CNTNAP2: variants seen among roughly 807,000 people sequenced by gnomAD.
CNTNAP2 encodes contactin-associated protein-like 2.
A neutral mutation model predicts 155.2 loss-of-function variants in CNTNAP2; 98 were observed. That is an observed-to-expected ratio of 0.63 (90% CI 0.54 to 0.75). The LOEUF (loss-of-function observed/expected upper bound fraction) is 0.75. CNTNAP2 is among the 30% of genes least tolerant of loss of function. The pLI, the probability that CNTNAP2 is intolerant of heterozygous loss-of-function variation, is 0.00. For synonymous variants in CNTNAP2, 651 were observed against 631.2 expected (o/e 1.03, Z -0.47); for missense variants, 1,727 against 1,688.1 (o/e 1.02, Z -0.40).
chr7:146,832,626 T>G (rs895180947), intron 2 of CNTNAP2, among the ~76,000 whole-genome samples: 6 of 148,290 alleles, frequency 4.0e-5, no homozygotes, highest in African/African-American at 1.2e-4. Flanking sequence ...TTATATATTA[T>G]AAATTTATAT....
At chr7:146,166,391 C>A (rs2116810724) in intron 1 of CNTNAP2, among the ~76,000 whole-genome samples, 1 of 152,240 alleles carries the variant, frequency 6.6e-6, no homozygotes, top group South Asian at 2.1e-4. Flanking sequence ...CCACACCTGG[C>A]CATATTTCCC....
intron 1 of CNTNAP2, among the ~76,000 whole-genome samples, chr7:146,701,053 A>T (rs1800868750): frequency 9.9e-5 from 1 of 10,110 alleles, no homozygotes; most frequent in Admixed American, 4.1e-4. Flanking sequence ...TCTGAAAAAA[A>T]AAAGTAGATC....
At chr7:147,068,590 C>T (rs539209017) in intron 4 of CNTNAP2, among the ~76,000 whole-genome samples, 51 of 152,282 alleles carry the variant, frequency 3.3e-4, no homozygotes, top group African/African-American at 1.2e-3. Context: ...AGCTCCTGGA[C>T]TCGTGATCCG....
intron 14 of CNTNAP2, among the ~76,000 whole-genome samples, chr7:147,914,045 T>C (rs1488186900): frequency 6.6e-6 from 1 of 151,384 alleles, no homozygotes; most frequent in Non-Finnish European, 1.5e-5. Flanking sequence ...ATACCATTTT[T>C]TGTAGCAGTC....
intron 1 of CNTNAP2, among the ~76,000 whole-genome samples, chr7:146,718,172 A>C (rs1801224042): frequency 6.6e-6 from 1 of 152,204 alleles, no homozygotes; most frequent in South Asian, 2.1e-4. Flanking sequence ...ATAAACAGTC[A>C]GTGCACATGT....
intron 13 of CNTNAP2, among the ~76,000 whole-genome samples, chr7:147,776,490 G>T (rs1797588199): frequency 1.3e-5 from 2 of 152,170 alleles, no homozygotes; most frequent in Non-Finnish European, 2.9e-5. Context: ...CACACACGTG[G>T]ATTAATGCCT....
At chr7:146,590,336 C>T (rs373701025) in intron 1 of CNTNAP2, among the ~76,000 whole-genome samples, 1 of 152,112 alleles carries the variant, frequency 6.6e-6, no homozygotes, top group South Asian at 2.1e-4. Context: ...TCATAACACA[C>T]AATTTCAACA....
chr7:146,470,458 C>A (rs2129126500), intron 1 of CNTNAP2, among the ~76,000 whole-genome samples: 1 of 152,314 alleles, frequency 6.6e-6, no homozygotes, highest in East Asian at 1.9e-4. Context: ...TTTCTCCTTT[C>A]TCTGCCTGGT....
chr7:146,582,930 C>T (rs887050387), intron 1 of CNTNAP2, among the ~76,000 whole-genome samples: 2 of 148,188 alleles, frequency 1.3e-5, no homozygotes, highest in Non-Finnish European at 3.0e-5. Flanking sequence ...TTAAATATAG[C>T]CGTATTAATA....
At chr7:147,557,778 G>A (rs749646162) in intron 11 of CNTNAP2, among the ~76,000 whole-genome samples, 5 of 152,082 alleles carry the variant, frequency 3.3e-5, no homozygotes, top group Non-Finnish European at 5.9e-5. Flanking sequence ...CAACAACTTG[G>A]TGAAGAAGGT....
intron 3 of CNTNAP2, among the ~76,000 whole-genome samples, chr7:147,034,304 T>A (rs573670767): frequency 6.6e-6 from 1 of 152,326 alleles, no homozygotes; most frequent in African/African-American, 2.4e-5. Context: ...TTTTCTGCAT[T>A]TGAAACAGGA....
chr7:147,360,815 A>C (rs1332731905), intron 9 of CNTNAP2, among the ~76,000 whole-genome samples: 1 of 152,158 alleles, frequency 6.6e-6, no homozygotes, highest in Admixed American at 6.6e-5. Flanking sequence ...TCCCTAAATG[A>C]AATCAGCAGA....
intron 1 of CNTNAP2, among the ~76,000 whole-genome samples, chr7:146,304,634 G>T (rs926093206): frequency 6.6e-6 from 1 of 152,136 alleles, no homozygotes; most frequent in East Asian, 1.9e-4. Flanking sequence ...TCTGTCAAGA[G>T]ATCTGCTGTT....
At chr7:148,248,677 T>C (rs1159081686) in intron 20 of CNTNAP2, among the ~76,000 whole-genome samples, 1 of 152,244 alleles carries the variant, frequency 6.6e-6, no homozygotes, top group Non-Finnish European at 1.5e-5. Flanking sequence ...GTGGATCATT[T>C]TGGGGATATT....
chr7:146,663,597 A>G (rs1024322049), intron 1 of CNTNAP2, among the ~76,000 whole-genome samples: 1 of 152,074 alleles, frequency 6.6e-6, no homozygotes, highest in African/African-American at 2.4e-5. Context: ...CATATTTTGT[A>G]TATATTTTCT....
At chr7:148,210,729 A>G (rs1382495470) in intron 18 of CNTNAP2, among the ~76,000 whole-genome samples, 1 of 152,244 alleles carries the variant, frequency 6.6e-6, no homozygotes, top group Non-Finnish European at 1.5e-5. Flanking sequence ...TACAATAGAT[A>G]TGGACCCACC....
chr7:146,938,359 CATATATA>C (rs1796969278), intron 3 of CNTNAP2, among the ~76,000 whole-genome samples: 1 of 145,204 alleles, frequency 6.9e-6, no homozygotes, highest in Non-Finnish European at 1.5e-5. Context: ...TGTATATTTA[CATATATA>C]ATATATAAGT....
chr7:147,144,601 A>T (rs996020404), intron 8 of CNTNAP2, among the ~76,000 whole-genome samples: 1 of 152,196 alleles, frequency 6.6e-6, no homozygotes, highest in Non-Finnish European at 1.5e-5. Flanking sequence ...TGTCATCGGC[A>T]TACATAGCAA....
intron 15 of CNTNAP2, among the ~76,000 whole-genome samples, chr7:148,068,072 TC>T (rs1226919765): frequency 6.6e-6 from 1 of 152,080 alleles, no homozygotes; most frequent in Non-Finnish European, 1.5e-5. Context: ...ACTACAAGCC[TC>T]CCAGCTGAGA....
Sources: allele counts gnomAD v4.1 joint callset (sites outside exome capture counted in the v4.1 genomes callset), GRCh38; gene constraint gnomAD v4.1.1; transcripts MANE v1.5; gene names NCBI Gene and HGNC (gene_info 2026-07-23, HGNC 2026-07-21).